The following MTNAP1 variants were observed in gnomAD, a reference collection of about 807,000 sequenced individuals.
MTNAP1 encodes mitochondrial nucleoid-associated protein 1.
the MTNAP1 span, chr17:73,247,540 A>G: frequency 1.9e-6 from 1 of 540,428 alleles, no homozygotes; most frequent in South Asian, 2.3e-5. Flanking sequence ...AGGGTGCTGA[A>G]ACATAATGAA....
At chr17:73,247,277 T>C in the MTNAP1 span, 1 of 1,614,216 alleles carries the variant, frequency 6.2e-7, no homozygotes, top group Non-Finnish European at 8.5e-7. Flanking sequence ...AAGAGCACAG[T>C]ACCTCCATGC....
the MTNAP1 span, among the ~76,000 whole-genome samples, chr17:73,238,016 C>T: frequency 2.0e-5 from 3 of 152,064 alleles, no homozygotes; most frequent in Non-Finnish European, 4.4e-5. Flanking sequence ...GGGCTTGGGG[C>T]GAAAGACTGA....
the MTNAP1 span, chr17:73,236,725 C>G: frequency 6.2e-7 from 1 of 1,614,022 alleles, no homozygotes; most frequent in Non-Finnish European, 8.5e-7. Context: ...ATCTCTGGAG[C>G]CCAAATCTGA....
chr17:73,237,590 C>T, the MTNAP1 span, among the ~76,000 whole-genome samples: 1 of 152,254 alleles, frequency 6.6e-6, no homozygotes, highest in East Asian at 1.9e-4. Flanking sequence ...TGAGAAGAGG[C>T]ATGTCCAGTA....
chr17:73,234,194 C>T, the MTNAP1 span, among the ~76,000 whole-genome samples: 1 of 152,098 alleles, frequency 6.6e-6, no homozygotes, highest in African/African-American at 2.4e-5. Flanking sequence ...ATGTTTCCTG[C>T]CCTCTGGAAC....
the MTNAP1 span, chr17:73,248,428 G>T: frequency 7.4e-7 from 1 of 1,346,346 alleles, no homozygotes; most frequent in Non-Finnish European, 1.0e-6. Flanking sequence ...TGCAGAAGGA[G>T]GGGGTAAAAG....
chr17:73,235,726 G>A, the MTNAP1 span: 7 of 1,614,030 alleles, frequency 4.3e-6, no homozygotes, highest in African/African-American at 9.3e-5. Context: ...TTCTAAGTTG[G>A]TGGTGGACAA....
At chr17:73,241,404 C>T in the MTNAP1 span, among the ~76,000 whole-genome samples, 97 of 152,154 alleles carry the variant, frequency 6.4e-4, no homozygotes, top group African/African-American at 2.2e-3. Flanking sequence ...GTGATCCACC[C>T]ACCTCAGCCT....
the MTNAP1 span, chr17:73,236,463 C>A: frequency 3.1e-6 from 5 of 1,614,040 alleles, no homozygotes; most frequent in African/African-American, 5.3e-5. Flanking sequence ...AACGGACTGT[C>A]ATGAGCCATG....
the MTNAP1 span, among the ~76,000 whole-genome samples, chr17:73,239,160 T>C: frequency 6.6e-6 from 1 of 152,086 alleles, no homozygotes; most frequent in East Asian, 1.9e-4. Context: ...GGTCTTGAAC[T>C]CGTGACCTCA....
At chr17:73,242,654 C>A in the MTNAP1 span, among the ~76,000 whole-genome samples, 1 of 152,178 alleles carries the variant, frequency 6.6e-6, no homozygotes, top group Non-Finnish European at 1.5e-5. Context: ...CTCAAGTTAA[C>A]CAGTTGTATT....
chr17:73,244,169 T>G, the MTNAP1 span, among the ~76,000 whole-genome samples: 2 of 152,336 alleles, frequency 1.3e-5, no homozygotes, highest in Admixed American at 1.3e-4. Flanking sequence ...CTTATTGTAT[T>G]ATTAAAAAAA....
the MTNAP1 span, chr17:73,248,431 G>C: frequency 7.2e-7 from 1 of 1,395,884 alleles, no homozygotes; most frequent in Non-Finnish European, 1.0e-6. Flanking sequence ...AGAAGGAGGG[G>C]GTAAAAGTCG....
chr17:73,245,588 T>G, the MTNAP1 span: 1 of 985,414 alleles, frequency 1.0e-6, no homozygotes, highest in Non-Finnish European at 1.2e-6. Context: ...ACTACCTATA[T>G]GTTGATACAG....
At chr17:73,241,253 G>T in the MTNAP1 span, among the ~76,000 whole-genome samples, 1 of 152,126 alleles carries the variant, frequency 6.6e-6, no homozygotes, top group African/African-American at 2.4e-5. Flanking sequence ...CGCCTCCTGG[G>T]TTCACGCCAT....
At chr17:73,242,175 G>A in the MTNAP1 span, 11 of 1,021,424 alleles carry the variant, frequency 1.1e-5, no homozygotes, top group South Asian at 4.5e-5. Context: ...TGGATCCTTC[G>A]GCACTGGATG....
chr17:73,236,861 T>A, the MTNAP1 span: 1 of 1,614,088 alleles, frequency 6.2e-7, no homozygotes, highest in Non-Finnish European at 8.5e-7. Flanking sequence ...CGCAGCTGCA[T>A]GGGGCTGGAG....
the MTNAP1 span, among the ~76,000 whole-genome samples, chr17:73,234,051 T>C: frequency 1.5e-4 from 23 of 152,316 alleles, 1 homozygote; most frequent in African/African-American, 5.3e-4. Context: ...TTAATCTCTT[T>C]GGTAGTCAGA....
At chr17:73,236,402 G>C in the MTNAP1 span, 1 of 1,614,126 alleles carries the variant, frequency 6.2e-7, no homozygotes, top group African/African-American at 1.3e-5. Context: ...GTAGAGACGT[G>C]TGGGAGCAAA....
Sources: gnomAD v4.1 joint callset for allele counts (sites outside exome capture counted in the v4.1 genomes callset) on GRCh38, gnomAD v4.1.1 for gene constraint, MANE v1.5 for transcripts, NCBI Gene and HGNC (gene_info 2026-07-23, HGNC 2026-07-21) for gene names.